GRTP1: variants seen among roughly 807,000 people sequenced by gnomAD.
The protein encoded by GRTP1 is growth hormone-regulated TBC protein 1.
GRTP1 carries 56 observed loss-of-function variants against 38.1 expected under a neutral mutation model. That is an observed-to-expected ratio of 1.47 (90% CI 1.19 to 1.84). The LOEUF is 1.84. Ranked by LOEUF, GRTP1 falls within the 40% of genes most tolerant of loss-of-function variation. GRTP1 has a pLI of 0.00. For missense variants in GRTP1, 506 were observed against 453.9 expected, an observed-to-expected ratio of 1.11 and a Z score of -1.04; for synonymous variants, 217 against 189.5, an observed-to-expected ratio of 1.14 and a Z score of -1.19.
chr13:113,351,108 ACT>A, intron 3 of GRTP1, 135 bp from the exon 4 acceptor site: 3 of 1,102,824 alleles, frequency 2.7e-6, no homozygotes, highest in South Asian at 2.7e-5. Flanking sequence ...CGCACAGCAG[ACT>A]CAACACAGCC....
Position 113,343,325 on chromosome 13 carries a change from C to G in GRTP1, c.562+1538G>C, listed in dbSNP as rs2043051679. Among the ~76,000 whole-genome samples the G allele has an allele frequency of 6.6e-6, 1 of 152,058 alleles. No individual in the cohort carries two copies. The highest frequency in any genetic ancestry group is 2.1e-4 in the South Asian group (1 of 4,826). ...TTTCCGCCCTGCGAGGTTCTGCCTG[C>G]TGCTGCTGCTGCTGCACTGGGTCCC... On this transcript the variant is annotated intron_variant, in intron 5 of 7. Coordinates refer to ENST00000375431, the MANE Select transcript of GRTP1 (RefSeq NM_024719.4). The surrounding 1 kb of genome is among the most constrained non-coding windows in gnomAD (Gnocchi z 4.8).
intron 5 of GRTP1, among the ~76,000 whole-genome samples, chr13:113,334,686 C>G (rs1298197579): frequency 6.6e-6 from 1 of 152,222 alleles, no homozygotes; most frequent in African/African-American, 2.4e-5. Context: ...GAGGGCCCCT[C>G]TGGCCTCGGG....
At chr13:113,340,234 G>T (rs2043007787) in intron 5 of GRTP1, among the ~76,000 whole-genome samples, 1 of 152,074 alleles carries the variant, frequency 6.6e-6, no homozygotes, top group African/African-American at 2.4e-5. Flanking sequence ...ACAGCCCTTT[G>T]TGAGGCCAAG....
intron 4 of GRTP1, 98 bp from the exon 5 acceptor site, chr13:113,345,057 C>T: frequency 7.4e-7 from 1 of 1,345,498 alleles, no homozygotes; most frequent in Non-Finnish European, 9.9e-7. Context: ...TTCCATTTCT[C>T]TTGCTTCTCC....
intron 5 of GRTP1, among the ~76,000 whole-genome samples, chr13:113,328,946 CA>C (rs2042815863): frequency 6.7e-6 from 1 of 149,684 alleles, no homozygotes; most frequent in Admixed American, 6.6e-5. Context: ...TCAAACCTTA[CA>C]AAGCAGCCTG....
intron 5 of GRTP1, among the ~76,000 whole-genome samples, chr13:113,330,988 G>A (rs2042861349): frequency 1.4e-5 from 2 of 143,600 alleles, no homozygotes; most frequent in Non-Finnish European, 1.5e-5. Context: ...GTGCATGGGA[G>A]CCCAGGCGTG....
chr13:113,345,461 C>T (rs72665283), intron 4 of GRTP1, among the ~76,000 whole-genome samples: 2,310 of 152,372 alleles, frequency 0.015, 28 homozygotes, highest in Non-Finnish European at 0.023. Context: ...TCCAACATCA[C>T]GTATGTGACC....
chr13:113,344,810 G>C (rs1236760082), intron 5 of GRTP1, 53 bp downstream of exon 5: 7 of 1,452,028 alleles, frequency 4.8e-6, no homozygotes, highest in Non-Finnish European at 5.5e-6. Flanking sequence ...GAATCATTTT[G>C]GCAGCACCAG....
At chr13:113,340,498 G>T (rs1358524047) in intron 5 of GRTP1, among the ~76,000 whole-genome samples, 1 of 147,568 alleles carries the variant, frequency 6.8e-6, no homozygotes, top group African/African-American at 2.6e-5. Context: ...CAATAAAATG[G>T]CCAGGCGCTG....
chr13:113,334,280 A>ACTGCCCCCCCCCCCCCCCCCCCCGCGCC (rs1202504022), intron 5 of GRTP1, among the ~76,000 whole-genome samples: 1 of 142,484 alleles, frequency 7.0e-6, no homozygotes. Flanking sequence ...CACTGCCACG[A>ACTGCCCCCCCCCCCCCCCCCCCCGCGCC]CAGCCTCCCG....
chr13:113,349,142 C>T lies in GRTP1; in HGVS notation c.465+1707G>A, dbSNP rs2043217858. On this transcript the variant is annotated intron_variant, in intron 4 of 7. Coordinates refer to ENST00000375431, the MANE Select transcript of GRTP1 (RefSeq NM_024719.4). The surrounding 1 kb of genome is among the most constrained non-coding windows in gnomAD (Gnocchi z 5.0). The stretch of plus-strand genomic sequence containing the variant: ...CCTCCTGCCTTGACCTCCCAAAGTG[C>T]ATGATTATAGGCAAGGGCCACCCAG... 6.6e-6 allele frequency among the ~76,000 whole-genome samples: 1 copy of T among 150,954 alleles called. No homozygotes were observed. The highest frequency in any genetic ancestry group is 1.5e-5 in the Non-Finnish European group (1 of 67,786).
chr13:113,326,205 G>A (rs2042766143), intron 5 of GRTP1, 114 bp from the exon 6 acceptor site: 2 of 1,295,244 alleles, frequency 1.5e-6, no homozygotes, highest in African/African-American at 3.0e-5. Flanking sequence ...CCCCTCCCAA[G>A]AGGGAGGGAC....
At chr13:113,328,166 C>T (rs547328699) in intron 5 of GRTP1, among the ~76,000 whole-genome samples, 1 of 152,282 alleles carries the variant, frequency 6.6e-6, no homozygotes, top group East Asian at 1.9e-4. Context: ...GCCGCTATCC[C>T]CCCAGGCTCC....
chr13:113,355,256 A>T, intron 3 of GRTP1, 67 bp downstream of exon 3: 1 of 1,549,906 alleles, frequency 6.5e-7, no homozygotes, highest in Non-Finnish European at 8.8e-7. Context: ...GAGGCTAGAC[A>T]CTGGGTGGAA....
rs1433990677 is a variant in GRTP1, at chr13:113,364,059, G to C, written c.-8C>G. ...GCGCTCGGCGGGCTGCATGCGGGGA[G>C]GGAGGCGCGCACCGAGCGAGGCCAG... On this transcript the variant is annotated 5_prime_UTR_variant, in exon 1 of 8. Transcript: ENST00000375431. The C allele has an allele frequency of 2.3e-6, 3 of 1,284,318 alleles. No individual in the cohort carries two copies. Among genetic ancestry groups the C allele is most frequent in the Non-Finnish European group, 2.9e-6 (3 of 1,022,638 alleles). 79.6% of individuals were successfully genotyped at this position (1,284,318 alleles called of 1,614,324 possible).
intron 5 of GRTP1, among the ~76,000 whole-genome samples, chr13:113,327,184 C>T (rs2042787050): frequency 6.6e-6 from 1 of 152,098 alleles, no homozygotes. Context: ...AGTTATAGTA[C>T]ATTTTTTTTT....
chr13:113,347,750 G>A (rs113054544), intron 4 of GRTP1, among the ~76,000 whole-genome samples: 4 of 138,252 alleles, frequency 2.9e-5, no homozygotes, highest in African/African-American at 8.5e-5. Context: ...GAACAGATCC[G>A]GGAGGACCTC....
chr13:113,358,520 G>A (rs1327065824), intron 2 of GRTP1, among the ~76,000 whole-genome samples: 2 of 152,090 alleles, frequency 1.3e-5, no homozygotes, highest in Non-Finnish European at 2.9e-5. Flanking sequence ...AAACAATTTT[G>A]AAAATGAAGT....
chr13:113,362,063 C>T (rs549234899), intron 2 of GRTP1, among the ~76,000 whole-genome samples: 25 of 152,234 alleles, frequency 1.6e-4, no homozygotes, highest in Non-Finnish European at 2.9e-4. Flanking sequence ...GCAGGAAAAT[C>T]GCTTGAACCC....
Sources: gnomAD v4.1 joint callset for allele counts (sites outside exome capture counted in the v4.1 genomes callset) on GRCh38, gnomAD v4.1.1 for gene constraint, Gnocchi (gnomAD v3.1) non-coding constraint, MANE v1.5 for transcripts, NCBI Gene and HGNC (gene_info 2026-07-23, HGNC 2026-07-21) for gene names.